Variants in MTHFD1L observed in about 807,000 individuals in gnomAD.
MTHFD1L encodes monofunctional C1-tetrahydrofolate synthase, mitochondrial.
MTHFD1L carries 81 observed loss-of-function variants against 119.5 expected under a neutral mutation model. The ratio of observed to expected loss-of-function variants is 0.68; its 90% CI spans 0.57 to 0.82. MTHFD1L has a LOEUF of 0.82. MTHFD1L is among the 40% of genes least tolerant of loss of function. The probability of loss-of-function intolerance (pLI) is 0.00; values close to 1 mark genes in which losing one functional copy is unlikely to be tolerated. For missense variants in MTHFD1L, 1,125 were observed against 1,253.4 expected (o/e 0.90, Z 1.55); for synonymous variants, 430 against 475.2 (o/e 0.90, Z 1.24).
chr6:151,021,490 G>A (rs543822053), intron 24 of MTHFD1L, among the ~76,000 whole-genome samples: 37 of 152,310 alleles, frequency 2.4e-4, no homozygotes, highest in Non-Finnish European at 4.6e-4. Flanking sequence ...AGAGGTTGCA[G>A]TGAGCTGAGA....
Position 151,014,972 on chromosome 6 carries a change from T to G in MTHFD1L, c.2400T>G (p.Asn800Lys). 1 of 1,614,030 alleles carries G rather than the reference T, an allele frequency of 6.2e-7. No individual in the cohort carries two copies. The highest frequency in any genetic ancestry group is 8.5e-7 in the Non-Finnish European group (1 of 1,179,944). ...GGGTTCCCGTTGTGGTGGCTCTGAATGTCTTCAAGTAAGTCCAGCCTCCTC... is the reference window on the plus strand; with the variant it reads ...GGGTTCCCGTTGTGGTGGCTCTGAAGGTCTTCAAGTAAGTCCAGCCTCCTC... ...LFGVPVVVALNVFKTDTRAEI... is the reference protein window; with the variant it reads ...LFGVPVVVALKVFKTDTRAEI... Residue 800 changes from asparagine (N) to lysine (K), a missense_variant, in exon 23 of 28, where the codon AAT becomes AAG. Physicochemically the swap from Asn to Lys is moderately conservative, Grantham distance 94. This residue lies in a region of MTHFD1L where 1,058 missense variants were observed against 1,151.2 expected (regional missense o/e 0.92). Coordinates refer to ENST00000367321, the MANE Select transcript of MTHFD1L (RefSeq NM_015440.5).
Position 150,896,491 on chromosome 6 carries a change from G to C in MTHFD1L, c.780+8510G>C, listed in dbSNP as rs146802597. ...TGGGTGAGATGGAGAAAAAAGCACT[G>C]GACCCTCCTGGGCATCACAGCCTTG... On this transcript the variant is annotated intron_variant, in intron 7 of 27. Coordinates refer to ENST00000367321, the MANE Select transcript of MTHFD1L (RefSeq NM_015440.5). 1.9e-3 allele frequency among the ~76,000 whole-genome samples: 284 copies of C among 152,276 alleles called. 4 individuals are homozygous for C. The East Asian group carries it at 0.044, about 24-fold the overall frequency.
intron 7 of MTHFD1L, among the ~76,000 whole-genome samples, chr6:150,897,713 G>A (rs1473699925): frequency 6.6e-6 from 1 of 152,200 alleles, no homozygotes; most frequent in African/African-American, 2.4e-5. Flanking sequence ...AGAACAGGCA[G>A]GAAGCATCAC....
At chr6:150,933,916 CG>C (rs1791605381) in intron 11 of MTHFD1L, among the ~76,000 whole-genome samples, 1 of 152,156 alleles carries the variant, frequency 6.6e-6, no homozygotes, top group Non-Finnish European at 1.5e-5. Context: ...TGCACACAGC[CG>C]GGTTCTCTTA....
chr6:151,093,487 T>C (rs575135815), intron 27 of MTHFD1L, among the ~76,000 whole-genome samples: 17 of 151,972 alleles, frequency 1.1e-4, no homozygotes, highest in South Asian at 8.3e-4. Flanking sequence ...TGAAACCCCG[T>C]CTCTACTAAA....
intron 11 of MTHFD1L, among the ~76,000 whole-genome samples, chr6:150,930,203 C>A (rs13437422): frequency 6.6e-6 from 1 of 152,122 alleles, no homozygotes; most frequent in African/African-American, 2.4e-5. Context: ...GAGTTCAAGA[C>A]CAGCCTGAGC....
At position 150,960,424 on chromosome 6, in the gene MTHFD1L, T is replaced by C; in HGVS notation, c.1944+9T>C. 6.2e-7 allele frequency: 1 copy of C among 1,602,686 alleles called. No individual in the cohort carries two copies. Among genetic ancestry groups the C allele is most frequent in the Non-Finnish European group, 8.5e-7 (1 of 1,174,060 alleles). ...TGACAGCAGATGATTTGGTGAGTGT[T>C]TCCAACTCGGAAGCTTCAGGGAGTG... is the stretch of plus-strand genomic sequence containing the variant. On this transcript the variant is annotated intron_variant, in intron 18 of 27. Coordinates refer to ENST00000367321, the MANE Select transcript of MTHFD1L (RefSeq NM_015440.5).
chr6:150,990,723 A>C (rs975276473), intron 20 of MTHFD1L, among the ~76,000 whole-genome samples: 1 of 152,174 alleles, frequency 6.6e-6, no homozygotes, highest in African/African-American at 2.4e-5. Flanking sequence ...TGGCCTTCCA[A>C]CGTGCTGGGA....
intron 11 of MTHFD1L, among the ~76,000 whole-genome samples, chr6:150,932,161 CAAAAAAAAA>C (rs5880902): frequency 1.5e-4 from 6 of 39,474 alleles, no homozygotes; most frequent in Admixed American, 8.9e-4. Flanking sequence ...GACTCCATCT[CAAAAAAAAA>C]AAAAAAAAAA....
intron 11 of MTHFD1L, among the ~76,000 whole-genome samples, chr6:150,930,713 T>A (rs1453393569): frequency 1.3e-5 from 2 of 152,004 alleles, no homozygotes; most frequent in Non-Finnish European, 2.9e-5. Context: ...TAACAATATA[T>A]TTGTTATTAC....
At chr6:151,052,310 C>G (rs1789185890) in intron 26 of MTHFD1L, among the ~76,000 whole-genome samples, 3 of 152,158 alleles carry the variant, frequency 2.0e-5, no homozygotes, top group Admixed American at 1.3e-4. Context: ...CATTTCCATC[C>G]AGTTCAAAAC....
At chr6:150,937,030 G>A (rs1422716598) in intron 12 of MTHFD1L, 90 bp downstream of exon 12, 1 of 1,467,440 alleles carries the variant, frequency 6.8e-7, no homozygotes, top group African/African-American at 1.4e-5. Context: ...AAAGAGTTAA[G>A]ACTTTTCAGG....
At position 150,926,281 on chromosome 6, in the gene MTHFD1L, C is replaced by T. The variant is rs552235580; in HGVS notation, c.1242C>T (p.Tyr414=). The part of the protein sequence containing the change: ...ERLKDQADGK[Y]VLVAGITPTP... The stretch of plus-strand genomic sequence containing the variant: ...TAAAGGATCAAGCAGATGGAAAATA[C>T]GTCTTAGTTGCTGGGTAAGACACCA... The change falls in exon 11 of 28, where the codon TAC becomes TAT. Residue 414 remains tyrosine (Y), a synonymous_variant. Coordinates refer to ENST00000367321, the MANE Select transcript of MTHFD1L (RefSeq NM_015440.5). The surrounding 1 kb of genome is among the most constrained non-coding windows in gnomAD (Gnocchi z 4.3). The T allele has an allele frequency of 7.8e-5, 125 of 1,610,908 alleles. No individual in the cohort carries two copies. Among genetic ancestry groups the T allele is most frequent in the Non-Finnish European group, 9.2e-5 (108 of 1,177,714 alleles).
intron 26 of MTHFD1L, among the ~76,000 whole-genome samples, chr6:151,078,982 G>A (rs767446389): frequency 3.9e-4 from 60 of 152,286 alleles, no homozygotes; most frequent in Non-Finnish European, 6.9e-4. Context: ...GGTGCCAGGA[G>A]GATGGCTCCA....
rs1378030654 is a variant in MTHFD1L, at chr6:150,960,331, C to G, written c.1860C>G (p.Asp620Glu). 1 of 1,613,968 alleles carries G rather than the reference C, an allele frequency of 6.2e-7. No homozygotes were observed. The highest frequency in any genetic ancestry group is 8.5e-7 in the Non-Finnish European group (1 of 1,180,008). Residue 620 changes from aspartate to glutamate, a missense_variant, in exon 18 of 28, where the codon GAC becomes GAG. Asp to Glu is a conservative substitution (Grantham distance 45). Coordinates refer to ENST00000367321, the MANE Select transcript of MTHFD1L (RefSeq NM_015440.5). Reference protein sequence around the residue: ...SEIMAVLALTDSLADMKARLG... With the variant: ...SEIMAVLALTESLADMKARLG... Reference sequence around the variant, plus strand: ...TCATGGCGGTGCTGGCCCTGACGGACAGCCTCGCAGACATGAAGGCACGGC... The same window carrying G: ...TCATGGCGGTGCTGGCCCTGACGGAGAGCCTCGCAGACATGAAGGCACGGC...
At chr6:151,083,687 A>AT (rs1273538951) in intron 26 of MTHFD1L, among the ~76,000 whole-genome samples, 11 of 151,860 alleles carry the variant, frequency 7.2e-5, no homozygotes, top group South Asian at 2.1e-4. Context: ...ACTATGATTG[A>AT]TTTTTTTTTA....
intron 16 of MTHFD1L, among the ~76,000 whole-genome samples, chr6:150,952,261 A>G (rs1794971830): frequency 6.6e-6 from 1 of 152,174 alleles, no homozygotes; most frequent in Non-Finnish European, 1.5e-5. Flanking sequence ...GACATTTGAT[A>G]AGTAGTTTGG....
chr6:151,070,349 G>A (rs1791823602), intron 26 of MTHFD1L, among the ~76,000 whole-genome samples: 1 of 152,214 alleles, frequency 6.6e-6, no homozygotes, highest in South Asian at 2.1e-4. Context: ...TGGAAAATGT[G>A]TATATTGTTG....
chr6:151,021,764 C>T (rs1251010311), intron 24 of MTHFD1L, among the ~76,000 whole-genome samples: 2 of 152,230 alleles, frequency 1.3e-5, no homozygotes, highest in Non-Finnish European at 2.9e-5. Context: ...TAAACCAAGA[C>T]ACTGACGTTT....
Sources: allele counts gnomAD v4.1 joint callset (sites outside exome capture counted in the v4.1 genomes callset), GRCh38; gene constraint gnomAD v4.1.1; regional missense constraint gnomAD v4.1.1; non-coding constraint Gnocchi (gnomAD v3.1); transcripts MANE v1.5; gene names NCBI Gene and HGNC (gene_info 2026-07-23, HGNC 2026-07-21).